Variants in DAB1 observed in about 807,000 individuals in gnomAD.
DAB1 encodes disabled homolog 1.
In DAB1, 15 loss-of-function variants were observed where a neutral mutation model predicts 64.6. That is an observed-to-expected ratio of 0.23 (90% CI 0.16 to 0.36). DAB1 has a LOEUF of 0.36. Among genes scored for constraint, DAB1 ranks in the 10% least tolerant of loss-of-function variants. The probability of loss-of-function intolerance (pLI) is 1.00; values close to 1 mark genes in which losing one functional copy is unlikely to be tolerated. For synonymous variants in DAB1, 235 were observed against 251.9 expected (o/e 0.93, Z 0.64); for missense variants, 596 against 706.7 (o/e 0.84, Z 1.78).
At chr1:57,079,854 G>T (rs764089329) in intron 4 of DAB1, among the ~76,000 whole-genome samples, 1 of 152,088 alleles carries the variant, frequency 6.6e-6, no homozygotes, top group Non-Finnish European at 1.5e-5. Flanking sequence ...TTCCCATGAC[G>T]CAAGTCCTCT....
At chr1:57,434,860 A>G (rs1685632328) in intron 7 of DAB1, among the ~76,000 whole-genome samples, 1 of 152,168 alleles carries the variant, frequency 6.6e-6, no homozygotes, top group African/African-American at 2.4e-5. Flanking sequence ...CTACCTATAT[A>G]GAGCACTTAC....
chr1:57,952,441 C>T (rs1159169304), intron 5 of DAB1, among the ~76,000 whole-genome samples: 1 of 152,154 alleles, frequency 6.6e-6, no homozygotes, highest in African/African-American at 2.4e-5. Flanking sequence ...TCCATTATTA[C>T]AACTAAACCA....
chr1:57,877,773 T>C (rs1310196559), intron 1 of DAB1, among the ~76,000 whole-genome samples: 2 of 28,878 alleles, frequency 6.9e-5, no homozygotes, highest in Non-Finnish European at 1.4e-4. Flanking sequence ...ACCTTGTTAG[T>C]CAGGATGGTC....
intron 5 of DAB1, among the ~76,000 whole-genome samples, chr1:58,049,502 T>C (rs184496206): frequency 6.6e-6 from 1 of 152,326 alleles, no homozygotes; most frequent in East Asian, 1.9e-4. Flanking sequence ...TGGTAAATTA[T>C]AATTCTTTCC....
intron 6 of DAB1, among the ~76,000 whole-genome samples, chr1:57,760,580 ATTCT>A (rs1420363891): frequency 6.8e-6 from 1 of 147,420 alleles, no homozygotes; most frequent in African/African-American, 2.5e-5. Context: ...TCTACATATA[ATTCT>A]TTCTCTCTCA....
intron 9 of DAB1, among the ~76,000 whole-genome samples, chr1:57,048,649 T>C (rs1230136070): frequency 6.6e-6 from 1 of 152,204 alleles, no homozygotes; most frequent in Non-Finnish European, 1.5e-5. Context: ...GAACTTTCTA[T>C]CTTTCAGAGT....
chr1:57,472,992 G>A (rs1056000278), intron 7 of DAB1, among the ~76,000 whole-genome samples: 17 of 152,148 alleles, frequency 1.1e-4, no homozygotes, highest in African/African-American at 4.1e-4. Context: ...AGTAGGAAGG[G>A]TTTGCTTTAT....
intron 3 of DAB1, among the ~76,000 whole-genome samples, chr1:58,443,676 T>A (rs1301102210): frequency 6.6e-6 from 1 of 152,252 alleles, no homozygotes; most frequent in Non-Finnish European, 1.5e-5. Flanking sequence ...GCAATCTTTC[T>A]GCAAATCTAG....
intron 5 of DAB1, among the ~76,000 whole-genome samples, chr1:57,910,671 C>G (rs1401423969): frequency 6.6e-6 from 1 of 152,210 alleles, no homozygotes; most frequent in African/African-American, 2.4e-5. Flanking sequence ...AGGGTCAGCT[C>G]ATTTCCAAGC....
In DAB1 at chr1:57,091,292, T is replaced by TA. The variant is rs200555023; in HGVS notation, c.307-18879dup. ...CCATCCAGCCTTTCCTGTTTTGATT[T>TA]AAAAAAAAATACTTCCCATTGCTTC... is the stretch of plus-strand genomic sequence containing the variant. On this transcript the variant is annotated intron_variant, in intron 4 of 14. Transcript: ENST00000371236. Among the ~76,000 whole-genome samples the TA allele has an allele frequency of 1.9e-3, 290 of 151,712 alleles. 2 individuals carry two copies. The highest frequency in any genetic ancestry group is 6.3e-3 in the African/African-American group (260 of 41,396).
At chr1:57,188,836 T>G (rs1663852340) in intron 2 of DAB1, among the ~76,000 whole-genome samples, 1 of 152,236 alleles carries the variant, frequency 6.6e-6, no homozygotes, top group Non-Finnish European at 1.5e-5. Context: ...TAAAATTTGT[T>G]GCATCTTTAC....
At chr1:58,018,663 T>A (rs1646776453) in intron 5 of DAB1, among the ~76,000 whole-genome samples, 1 of 152,176 alleles carries the variant, frequency 6.6e-6, no homozygotes, top group Non-Finnish European at 1.5e-5. Flanking sequence ...TAACAAATGT[T>A]TACATAAATT....
intron 1 of DAB1, among the ~76,000 whole-genome samples, chr1:57,379,795 A>G (rs776123315): frequency 1.3e-5 from 2 of 152,224 alleles, no homozygotes; most frequent in Non-Finnish European, 2.9e-5. Flanking sequence ...AGCATTTTGC[A>G]AAGATGTAGT....
intron 5 of DAB1, among the ~76,000 whole-genome samples, chr1:58,003,663 T>C (rs1411435444): frequency 6.6e-6 from 1 of 152,150 alleles, no homozygotes; most frequent in Non-Finnish European, 1.5e-5. Flanking sequence ...TCAACTTAGA[T>C]TGAAAGTCCA....
At chr1:57,570,657 G>T (rs1318829639) in intron 7 of DAB1, among the ~76,000 whole-genome samples, 2 of 152,036 alleles carry the variant, frequency 1.3e-5, no homozygotes, top group Non-Finnish European at 2.9e-5. Flanking sequence ...GGCTATACAG[G>T]CTCTTTTTTA....
intron 1 of DAB1, among the ~76,000 whole-genome samples, chr1:57,398,519 C>T (rs750097039): frequency 6.6e-6 from 1 of 152,160 alleles, no homozygotes; most frequent in Non-Finnish European, 1.5e-5. Flanking sequence ...ATATTTTTCT[C>T]CCCTTTGGGA....
intron 2 of DAB1, among the ~76,000 whole-genome samples, chr1:57,267,705 G>A (rs1811700): frequency 1.3e-5 from 2 of 152,016 alleles, no homozygotes; most frequent in East Asian, 1.9e-4. Flanking sequence ...TGCACTACAC[G>A]GTAGGACTGA....
At chr1:57,184,950 G>C (rs1255386797) in intron 2 of DAB1, among the ~76,000 whole-genome samples, 2 of 152,076 alleles carry the variant, frequency 1.3e-5, no homozygotes, top group African/African-American at 4.8e-5. Flanking sequence ...GGCATCCATG[G>C]CACAGAGATG....
chr1:57,126,640 ATAG>A (rs1241530631), intron 4 of DAB1, among the ~76,000 whole-genome samples: 1 of 152,206 alleles, frequency 6.6e-6, no homozygotes, highest in African/African-American at 2.4e-5. Context: ...ATCTGGCAAA[ATAG>A]TAAGCGTGAT....
Sources: allele counts gnomAD v4.1 joint callset (sites outside exome capture counted in the v4.1 genomes callset), GRCh38; gene constraint gnomAD v4.1.1; transcripts MANE v1.5; gene names NCBI Gene and HGNC (gene_info 2026-07-23, HGNC 2026-07-21).